SUMF1: variants seen among roughly 807,000 people sequenced by gnomAD.
The protein encoded by SUMF1 is formylglycine-generating enzyme.
In SUMF1, 48 loss-of-function variants were observed where a neutral mutation model predicts 47.6. That is an observed-to-expected ratio of 1.01 (90% CI 0.80 to 1.28). The LOEUF is 1.28. SUMF1 is among the 50% of genes most tolerant of loss of function. The pLI, the probability that SUMF1 is intolerant of heterozygous loss-of-function variation, is 0.00. For synonymous variants in SUMF1, 230 were observed against 192.1 expected, an observed-to-expected ratio of 1.20 and a Z score of -1.63; for missense variants, 571 against 485.4, an observed-to-expected ratio of 1.18 and a Z score of -1.66.
chr3:4,381,188 C>G (rs769183805), intron 7 of SUMF1, among the ~76,000 whole-genome samples: 1 of 152,140 alleles, frequency 6.6e-6, no homozygotes, highest in East Asian at 1.9e-4. Flanking sequence ...GCACCACTAG[C>G]GACCTGGATG....
chr3:4,187,369 TA>T lies in SUMF1; in HGVS notation c.1015-118625del, dbSNP rs1337432544. The stretch of plus-strand genomic sequence containing the variant: ...GGGAGACAGAGTGAGACCCTGTCTA[TA>T]AAAAAAAGAAAAAATTAGAGACAAG... On this transcript the variant is annotated intron_variant and NMD_transcript_variant, in intron 8 of 12. Transcript: ENST00000448413. 4.6e-5 allele frequency among the ~76,000 whole-genome samples: 7 copies of T among 151,836 alleles called. No individual in the cohort carries two copies. The South Asian group carries it at 1.5e-3, about 32-fold the overall frequency.
At chr3:4,073,642 T>C (rs1026706841) in intron 8 of SUMF1, among the ~76,000 whole-genome samples, 1 of 152,186 alleles carries the variant, frequency 6.6e-6, no homozygotes, top group African/African-American at 2.4e-5. Flanking sequence ...TGGGGGAAGA[T>C]CTACCAAGCA....
Position 4,303,752 on chromosome 3 carries a change from A to G in SUMF1, c.1014+72578T>C, listed in dbSNP as rs1258907468. 1.2e-5 allele frequency: 18 copies of G among 1,480,120 alleles called. No homozygotes were observed. The East Asian group carries it at 5.0e-4, about 41-fold the overall frequency. 91.7% of individuals were successfully genotyped at this position (1,480,120 alleles called of 1,614,324 possible). A position where few individuals can be genotyped will look rare whatever the true frequency, so the allele number is the denominator to read the frequency against. On this transcript the variant is annotated intron_variant and NMD_transcript_variant, in intron 8 of 12. Transcript: ENST00000448413. The stretch of plus-strand genomic sequence containing the variant: ...TTGTCCTTTTCAGTCCATTCCCTGA[A>G]GCGCAGAACCGGAGGCCTTGTGAGA...
intron 8 of SUMF1, among the ~76,000 whole-genome samples, chr3:4,363,306 C>T (rs143969690): frequency 6.3e-4 from 96 of 152,218 alleles, no homozygotes; most frequent in African/African-American, 2.3e-3. Flanking sequence ...AACAACAAGT[C>T]TAGGAACATC....
At chr3:4,225,938 G>A (rs1696162483) in intron 8 of SUMF1, among the ~76,000 whole-genome samples, 1 of 152,094 alleles carries the variant, frequency 6.6e-6, no homozygotes, top group African/African-American at 2.4e-5. Context: ...ACAGGAAGAT[G>A]TAGGATGGAG....
At chr3:4,240,992 T>A (rs1696525037) in intron 8 of SUMF1, among the ~76,000 whole-genome samples, 1 of 152,082 alleles carries the variant, frequency 6.6e-6, no homozygotes, top group Admixed American at 6.6e-5. Context: ...CCTAATATTA[T>A]GAAGTAGATT....
intron 8 of SUMF1, among the ~76,000 whole-genome samples, chr3:4,176,054 A>G (rs1694952906): frequency 6.6e-6 from 1 of 152,226 alleles, no homozygotes; most frequent in Non-Finnish European, 1.5e-5. Flanking sequence ...GACCAAATCT[A>G]CATTTGATTG....
intron 8 of SUMF1, among the ~76,000 whole-genome samples, chr3:4,082,307 A>G (rs1448125241): frequency 6.6e-6 from 1 of 151,682 alleles, no homozygotes; most frequent in Non-Finnish European, 1.5e-5. Flanking sequence ...ATCTCTACAA[A>G]AAGTACAAAA....
Position 4,386,610 on chromosome 3 carries a change from T to C in SUMF1, c.955-10221A>G, listed in dbSNP as rs370023208. On this transcript the variant is annotated intron_variant, in intron 7 of 8. Transcript: ENST00000272902. ...CCTCTTATTTCCATTTCTTACCTTA[T>C]TCTACTGGCTAGAAATCCCAGCACT... Among the ~76,000 whole-genome samples, 128 of 152,210 alleles carry C rather than the reference T, an allele frequency of 8.4e-4. 2 individuals are homozygous for C. The South Asian group carries it at 0.015, about 17-fold the overall frequency.
At chr3:4,160,782 C>G (rs976383252) in intron 8 of SUMF1, among the ~76,000 whole-genome samples, 3 of 152,042 alleles carry the variant, frequency 2.0e-5, no homozygotes, top group African/African-American at 7.3e-5. Flanking sequence ...ACTTCTCTGT[C>G]TGAAAGGTCA....
chr3:4,388,900 T>C (rs997102737), intron 7 of SUMF1, among the ~76,000 whole-genome samples: 17 of 152,166 alleles, frequency 1.1e-4, no homozygotes, highest in African/African-American at 4.1e-4. Flanking sequence ...GCTTCTCTTG[T>C]GTATAATATA....
chr3:4,326,267 C>T (rs1382713295), intron 8 of SUMF1, among the ~76,000 whole-genome samples: 1 of 152,118 alleles, frequency 6.6e-6, no homozygotes, highest in Non-Finnish European at 1.5e-5. Flanking sequence ...TAATTATTGG[C>T]CAATAGGCTT....
At position 4,237,400 on chromosome 3, in the gene SUMF1, A is replaced by T. The variant is rs1188218179; in HGVS notation, c.1014+138930T>A. On this transcript the variant is annotated intron_variant and NMD_transcript_variant, in intron 8 of 12. Coordinates refer to the SUMF1 transcript ENST00000448413. Reference sequence around the variant, plus strand: ...CATATGATGTTGAACATATTTTCTTATGCTTATTTGTCACTTGTATACCTT... The same window carrying T: ...CATATGATGTTGAACATATTTTCTTTTGCTTATTTGTCACTTGTATACCTT... Among the ~76,000 whole-genome samples the T allele has an allele frequency of 2.0e-5, 3 of 151,974 alleles. No homozygotes were observed. In the East Asian group the frequency reaches 5.8e-4, roughly 29 times the overall value.
intron 8 of SUMF1, among the ~76,000 whole-genome samples, chr3:4,087,660 A>G (rs1212409947): frequency 6.6e-6 from 1 of 152,094 alleles, no homozygotes; most frequent in Admixed American, 6.6e-5. Context: ...TTACTTCCCC[A>G]CCACAGCCCC....
chr3:4,349,470 A>G (rs1699441393), intron 8 of SUMF1, among the ~76,000 whole-genome samples: 1 of 152,226 alleles, frequency 6.6e-6, no homozygotes, highest in African/African-American at 2.4e-5. Context: ...TTGACTCAGC[A>G]ATACCATTCC....
intron 8 of SUMF1, among the ~76,000 whole-genome samples, chr3:4,228,178 A>G (rs566925859): frequency 6.6e-6 from 1 of 152,248 alleles, no homozygotes; most frequent in African/African-American, 2.4e-5. Flanking sequence ...TCAATATATC[A>G]TTTATAACTA....
At chr3:4,360,008 C>T (rs970560639), downstream of SUMF1, among the ~76,000 whole-genome samples, 7 of 152,044 alleles carry the variant, frequency 4.6e-5, no homozygotes, top group Non-Finnish European at 7.4e-5. Context: ...AAAAAGTACA[C>T]CCAAAACACC....
chr3:4,259,068 T>C (rs981830369), intron 8 of SUMF1, among the ~76,000 whole-genome samples: 1 of 142,418 alleles, frequency 7.0e-6, no homozygotes, highest in Non-Finnish European at 1.5e-5. Flanking sequence ...AACAATGAGA[T>C]CACATGGACC....
At chr3:4,365,635 A>T (rs1029033651) in intron 8 of SUMF1, among the ~76,000 whole-genome samples, 8 of 146,340 alleles carry the variant, frequency 5.5e-5, no homozygotes, top group African/African-American at 2.0e-4. Context: ...GGGTTTCCTG[A>T]ATACAGCACA....
Sources: gnomAD v4.1 joint callset for allele counts (sites outside exome capture counted in the v4.1 genomes callset) on GRCh38, gnomAD v4.1.1 for gene constraint, MANE v1.5 for transcripts, NCBI Gene and HGNC (gene_info 2026-07-23, HGNC 2026-07-21) for gene names.